Variants in PDE8B observed in about 807,000 individuals in gnomAD.
The protein encoded by PDE8B is high affinity cAMP-specific and IBMX-insensitive 3',5'-cyclic phosphodiesterase 8B.
Under a neutral mutation model 101.3 loss-of-function variants are expected in PDE8B, and 26 were observed. The observed-to-expected ratio is 0.26, with a 90% confidence interval of 0.19 to 0.36. The LOEUF is 0.36. Ranked by LOEUF, PDE8B falls within the 10% of genes least tolerant of loss-of-function variation. The pLI, the probability that PDE8B is intolerant of heterozygous loss-of-function variation, is 1.00. For synonymous variants in PDE8B, 424 were observed against 429.3 expected (o/e 0.99, Z 0.15); for missense variants, 810 against 1,163.1 (o/e 0.70, Z 4.42).
chr5:77,290,369 G>C, intron 1 of PDE8B: 1 of 1,406,932 alleles, frequency 7.1e-7, no homozygotes. Context: ...GGGGAGGCCG[G>C]GGAGAGGTTA....
intron 1 of PDE8B, among the ~76,000 whole-genome samples, chr5:77,309,894 A>G (rs1018653664): frequency 9.4e-5 from 14 of 149,068 alleles, no homozygotes; most frequent in African/African-American, 3.5e-4. Flanking sequence ...TGCTGGGATT[A>G]CAGGCATGAG....
chr5:77,138,872 A>C, the PDE8B span, among the ~76,000 whole-genome samples: 1 of 152,242 alleles, frequency 6.6e-6, no homozygotes, highest in African/African-American at 2.4e-5. Flanking sequence ...TAGTCCTAAC[A>C]GCACAAATTT....
chr5:77,091,595 C>T, the PDE8B span, among the ~76,000 whole-genome samples: 6 of 151,966 alleles, frequency 3.9e-5, no homozygotes, highest in Non-Finnish European at 7.4e-5. Context: ...GAGCCGAGAT[C>T]GTGCAACTGC....
intron 10 of PDE8B, among the ~76,000 whole-genome samples, chr5:77,359,665 C>T (rs957109235): frequency 2.0e-5 from 3 of 152,168 alleles, no homozygotes; most frequent in Admixed American, 2.0e-4. Flanking sequence ...AATAAAGTGT[C>T]TCCTTGTGTG....
the PDE8B span, among the ~76,000 whole-genome samples, chr5:77,155,788 G>A: frequency 1.3e-5 from 2 of 152,300 alleles, no homozygotes; most frequent in East Asian, 3.9e-4. Context: ...TTTGACTCTG[G>A]TATCAGGGGT....
At chr5:77,263,983 T>C (rs1761154400) in intron 1 of PDE8B, among the ~76,000 whole-genome samples, 1 of 152,328 alleles carries the variant, frequency 6.6e-6, no homozygotes, top group Admixed American at 6.5e-5. Flanking sequence ...ACCTACTTTC[T>C]ATCTCTATAA....
chr5:77,304,161 G>GTT (rs1770637094), intron 1 of PDE8B, among the ~76,000 whole-genome samples: 1 of 152,098 alleles, frequency 6.6e-6, no homozygotes. Flanking sequence ...ATGTATAAGA[G>GTT]TTTCTGAGGG....
chr5:77,355,281 C>T (rs966859154), intron 10 of PDE8B, among the ~76,000 whole-genome samples: 1 of 152,178 alleles, frequency 6.6e-6, no homozygotes, highest in Non-Finnish European at 1.5e-5. Flanking sequence ...ATACCCTGAG[C>T]CATTGACGTC....
At chr5:77,401,937 T>G (rs1425008278) in intron 11 of PDE8B, among the ~76,000 whole-genome samples, 1 of 152,216 alleles carries the variant, frequency 6.6e-6, no homozygotes, top group Non-Finnish European at 1.5e-5. Context: ...TTGAATAATT[T>G]CTAATGAACG....
intron 8 of PDE8B, among the ~76,000 whole-genome samples, chr5:77,350,767 T>G (rs1780955564): frequency 6.6e-6 from 1 of 152,164 alleles, no homozygotes; most frequent in African/African-American, 2.4e-5. Flanking sequence ...GAGAGAGACC[T>G]CCAAAGAATC....
the PDE8B span, among the ~76,000 whole-genome samples, chr5:77,189,698 A>C: frequency 1.3e-5 from 2 of 152,152 alleles, no homozygotes; most frequent in African/African-American, 4.8e-5. Context: ...GGGCAGCAGG[A>C]GCTGAGGGCA....
chr5:77,319,321 C>T (rs187238418), intron 2 of PDE8B, among the ~76,000 whole-genome samples: 4 of 152,358 alleles, frequency 2.6e-5, no homozygotes, highest in East Asian at 3.9e-4. Context: ...AGTAACTTAT[C>T]GCTTTTTTTA....
At chr5:77,404,617 G>A (rs1793047428) in intron 11 of PDE8B, 103 bp from the exon 12 acceptor site, 2 of 751,962 alleles carry the variant, frequency 2.7e-6, no homozygotes, top group African/African-American at 1.7e-5. Context: ...TGCTTAAAAA[G>A]TAACCTTGTT....
chr5:77,130,115 G>A, the PDE8B span, among the ~76,000 whole-genome samples: 1 of 152,070 alleles, frequency 6.6e-6, no homozygotes, highest in African/African-American at 2.4e-5. Context: ...CACTGCATTT[G>A]AAAGGATATA....
At chr5:77,146,067 C>G in the PDE8B span, 1 of 152,140 alleles carries the variant, frequency 6.6e-6, no homozygotes, top group African/African-American at 2.4e-5. Context: ...AACTATTTTA[C>G]TATATTCATT....
chr5:77,422,069 C>G, intron 20 of PDE8B, 81 bp downstream of exon 20: 1 of 1,430,016 alleles, frequency 7.0e-7, no homozygotes. Context: ...GATTCTCCAG[C>G]TGAGTAACTT....
chr5:77,316,652 G>GC (rs1773827377), intron 2 of PDE8B, among the ~76,000 whole-genome samples: 1 of 152,086 alleles, frequency 6.6e-6, no homozygotes, highest in African/African-American at 2.4e-5. Context: ...CCTCCTGACA[G>GC]CCCCACTCTC....
At chr5:77,240,096 T>C (rs1755441376) in intron 1 of PDE8B, among the ~76,000 whole-genome samples, 1 of 152,172 alleles carries the variant, frequency 6.6e-6, no homozygotes, top group Non-Finnish European at 1.5e-5. Flanking sequence ...CTTTTTTTTT[T>C]TGTATTTCGT....
At chr5:77,221,517 G>A (rs1751093058) in intron 1 of PDE8B, among the ~76,000 whole-genome samples, 1 of 152,120 alleles carries the variant, frequency 6.6e-6, no homozygotes, top group South Asian at 2.1e-4. Context: ...AGTATGCGAA[G>A]TTTTGTAGGA....
Sources: gnomAD v4.1 joint callset for allele counts (sites outside exome capture counted in the v4.1 genomes callset) on GRCh38, gnomAD v4.1.1 for gene constraint, MANE v1.5 for transcripts, NCBI Gene and HGNC (gene_info 2026-07-23, HGNC 2026-07-21) for gene names.